STRC: variants seen among roughly 807,000 people sequenced by gnomAD.
STRC encodes stereocilin.
STRC carries 43 observed loss-of-function variants against 103.5 expected under a neutral mutation model. The ratio of observed to expected loss-of-function variants is 0.42; its 90% CI spans 0.33 to 0.54. STRC has a LOEUF of 0.54. Ranked by LOEUF, STRC falls within the 20% of genes least tolerant of loss-of-function variation. The probability of loss-of-function intolerance (pLI) is 0.14; values close to 1 mark genes in which losing one functional copy is unlikely to be tolerated. For synonymous variants in STRC, 186 were observed against 442.3 expected (o/e 0.42, Z 7.27); for missense variants, 499 against 1,088.5 (o/e 0.46, Z 7.62).
Position 43,601,395 on chromosome 15 carries a change from C to A in STRC, c.4701+1G>T. 6.2e-7 allele frequency: 1 copy of A among 1,613,212 alleles called. No homozygotes were observed. Among genetic ancestry groups the A allele is most frequent in the Non-Finnish European group, 8.5e-7 (1 of 1,179,842 alleles). On this transcript the variant is annotated splice_donor_variant, in intron 24 of 28. Coordinates refer to ENST00000450892, the MANE Select transcript of STRC (RefSeq NM_153700.2). LOFTEE classifies it high-confidence loss of function. ...GCCGTAGGGAGGAGGAAAAGTGTTA[C>A]CTGAGTGGTGCTCCAGCCATCTATC...
intron 16 of STRC, among the ~76,000 whole-genome samples, chr15:43,608,979 T>G (rs1285327986): frequency 2.7e-5 from 4 of 149,414 alleles, no homozygotes. Flanking sequence ...AATTCTCATT[T>G]AAAGAAGGGA....
rs946311260 is a variant in STRC at position 43,603,620 on chromosome 15, A to C, written c.4376-209T>G. 4.5e-6 allele frequency: 3 copies of C among 665,754 alleles called. No homozygotes were observed. The African/African-American group carries it at 5.4e-5, about 12-fold the overall frequency. The allele number at this position is 665,754 out of a possible 1,614,324, so 41.2% of individuals were successfully genotyped here. A position where few individuals can be genotyped will look rare whatever the true frequency, so the allele number is the denominator to read the frequency against. On this transcript the variant is annotated intron_variant, in intron 22 of 28. Coordinates refer to ENST00000450892, the MANE Select transcript of STRC (RefSeq NM_153700.2). ...AGATGCCAAGACTTTTATAGATGGAAGACTGAGGATGTTATTCAGAGATTT... is the reference window on the plus strand; with the variant it reads ...AGATGCCAAGACTTTTATAGATGGACGACTGAGGATGTTATTCAGAGATTT...
In STRC at chr15:43,601,542, G is replaced by C. The variant is rs750246174; in HGVS notation, c.4555C>G (p.Pro1519Ala). The change falls in exon 24 of 29, where the codon CCC (proline) becomes GCC (alanine). Residue 1519 changes from proline (P) to alanine (A), a missense_variant. Coordinates refer to ENST00000450892, the MANE Select transcript of STRC (RefSeq NM_153700.2). ...AMGKAKQLWG[P>A]PRGFRPEQIL... ...TGCTCAGGACGAAATCCCCGGGGGG[G>C]ACCCCACAACTAGGAGAAAGACAGG... is the stretch of plus-strand genomic sequence containing the variant. 3.1e-6 allele frequency: 5 copies of C among 1,613,688 alleles called. No individual in the cohort carries two copies. The Admixed American group carries it at 5.0e-5, about 16-fold the overall frequency.
intron 24 of STRC, 97 bp downstream of exon 24, chr15:43,601,299 G>T: frequency 6.4e-7 from 1 of 1,559,822 alleles, no homozygotes; most frequent in Non-Finnish European, 8.8e-7. Flanking sequence ...ACCAGGTAGG[G>T]TCACAGGAAA....
In STRC at chr15:43,608,072, C is replaced by G. The variant is rs1352496276; in HGVS notation, c.3681+8G>C. 4 of 1,610,508 alleles carry G rather than the reference C, an allele frequency of 2.5e-6. No individual in the cohort carries two copies. The highest frequency in any genetic ancestry group is 3.4e-6 in the Non-Finnish European group (4 of 1,179,440). ...TGCTCCCACTAAAGTCCAGGCACCC[C>G]CTCTCACCAGGCTCCCTCGAACTCT... is the stretch of plus-strand genomic sequence containing the variant. On this transcript the variant is annotated splice_region_variant and intron_variant, in intron 17 of 28. Transcript: ENST00000450892.
At chr15:43,609,551 T>A (rs1017739114) in intron 15 of STRC, 1 of 578,264 alleles carries the variant, frequency 1.7e-6, no homozygotes, top group East Asian at 3.2e-5. Context: ...CAAGTCACAT[T>A]ATAAGAGATA....
At chr15:43,601,168 A>G (rs1426584339) in intron 24 of STRC, among the ~76,000 whole-genome samples, 154 bp from the exon 25 acceptor site, 2 of 151,572 alleles carry the variant, frequency 1.3e-5, no homozygotes, top group African/African-American at 2.4e-5. Flanking sequence ...AAGGAAAGAA[A>G]AAGAGGAAGC....
intron 19 of STRC, 68 bp downstream of exon 19, chr15:43,605,196 A>G (rs2085703066): frequency 1.3e-6 from 2 of 1,572,612 alleles, no homozygotes; most frequent in African/African-American, 2.7e-5. Context: ...GGACAGTCAG[A>G]GAGCATTGTC....
rs1302831121 is a variant in STRC, at chr15:43,606,548, C to T, written c.3795-1149G>A. On this transcript the variant is annotated intron_variant, in intron 18 of 28. Transcript: ENST00000450892. ...CCCAGAGGGAGAGGTTGCAGTGAGCCGAGATGGCACCATTGCACTCCAGCC... is the reference window on the plus strand; with the variant it reads ...CCCAGAGGGAGAGGTTGCAGTGAGCTGAGATGGCACCATTGCACTCCAGCC... Among the ~76,000 whole-genome samples the T allele has an allele frequency of 3.3e-5, 5 of 150,422 alleles. 1 individual carries two copies. Among genetic ancestry groups the T allele is most frequent in the Non-Finnish European group, 5.9e-5 (4 of 67,738 alleles).
chr15:43,601,324 T>G, intron 24 of STRC, 72 bp downstream of exon 24: 1 of 1,604,990 alleles, frequency 6.2e-7, no homozygotes. Flanking sequence ...TTCCTTGGGC[T>G]TTAGATGATC....
Position 43,604,699 on chromosome 15 carries a change from T to C in STRC, c.4078A>G (p.Thr1360Ala), listed in dbSNP as rs141036103. The C allele has an allele frequency of 2.9e-5, 47 of 1,613,520 alleles. No individual in the cohort carries two copies. The highest frequency in any genetic ancestry group is 3.9e-5 in the Non-Finnish European group (46 of 1,179,662). ...SQLQGFCLGETFATELGWLLL... is the reference protein window; with the variant it reads ...SQLQGFCLGEAFATELGWLLL... ...AGCCATCCCAGCTCTGTGGCAAATG[T>C]CTCTCCTAGGCAGAAGCCTTGCAGC... The change falls in exon 20 of 29, where the codon ACA (threonine) becomes GCA (alanine). Residue 1360 changes from threonine to alanine, a missense_variant. By Grantham distance (58) the Thr-to-Ala change is moderately conservative. Coordinates refer to ENST00000450892, the MANE Select transcript of STRC (RefSeq NM_153700.2).
intron 23 of STRC, 49 bp downstream of exon 23, chr15:43,603,193 C>T (rs1434482846): frequency 6.3e-7 from 1 of 1,598,612 alleles, no homozygotes; most frequent in African/African-American, 1.3e-5. Context: ...CTACATCACA[C>T]CCAAATAGCT....
Position 43,616,623 on chromosome 15 carries a change from GT to G in STRC, c.942del (p.Pro316LeufsTer7). 2.0e-6 allele frequency: 1 copy of G among 495,762 alleles called. No individual in the cohort carries two copies. The allele number at this position is 495,762 out of a possible 1,614,324, so 30.7% of individuals were successfully genotyped here. A position where few individuals can be genotyped will look rare whatever the true frequency, so the allele number is the denominator to read the frequency against. ...CTCAGGCAGTGAAGGAGGGCAGGGG[GT>G]GGGGGTGGTGATCCAGACAGAAAGC... ...ALGFLSGSPP[P>X]PPALLHCLST... On this transcript the variant is annotated frameshift_variant, in exon 4 of 29. Coordinates refer to ENST00000450892, the MANE Select transcript of STRC (RefSeq NM_153700.2). LOFTEE classifies it high-confidence loss of function.
intron 25 of STRC, 36 bp downstream of exon 25, chr15:43,600,836 C>A: frequency 6.2e-7 from 1 of 1,613,674 alleles, no homozygotes; most frequent in Non-Finnish European, 8.5e-7. Context: ...CCACCTTTAC[C>A]TCAGCACCAC....
At chr15:43,602,789 T>C in intron 23 of STRC, 1 of 214,634 alleles carries the variant, frequency 4.7e-6, no homozygotes, top group South Asian at 7.0e-5. Context: ...GGACAACAAG[T>C]GTGCACCACC....
rs200086657 is a variant in STRC, at chr15:43,603,352, G to C, written c.4435C>G (p.Gln1479Glu). ...TCTGAGAGCTCCATCTCTGCAATCTGGGTTGCAGACCAGGCTGCTGGGAAT... is the reference window on the plus strand; with the variant it reads ...TCTGAGAGCTCCATCTCTGCAATCTCGGTTGCAGACCAGGCTGCTGGGAAT... The part of the protein sequence containing the change: ...GTFPAAWSAT[Q>E]IAEMELSDFE... The change falls in exon 23 of 29, where the codon CAG becomes GAG. Residue 1479 changes from glutamine (Q) to glutamate (E), a missense_variant. By Grantham distance (29) the Gln-to-Glu change is conservative. Coordinates refer to ENST00000450892, the MANE Select transcript of STRC (RefSeq NM_153700.2). 1 of 1,613,662 alleles carries C rather than the reference G, an allele frequency of 6.2e-7. No individual in the cohort carries two copies. The highest frequency in any genetic ancestry group is 1.7e-4 in the Middle Eastern group (1 of 6,056).
chr15:43,603,583 A>G, intron 22 of STRC, 172 bp from the exon 23 acceptor site: 1 of 770,914 alleles, frequency 1.3e-6, no homozygotes, highest in Non-Finnish European at 2.2e-6. Context: ...TAATAGAACA[A>G]GAAGTGATTG....
chr15:43,605,310 G>A lies in STRC; in HGVS notation c.3884C>T (p.Thr1295Ile), dbSNP rs1260557744. Residue 1295 changes from threonine (T) to isoleucine (I), a missense_variant, in exon 19 of 29, where the codon ACC becomes ATC. Thr to Ile is a moderately conservative substitution (Grantham distance 89). Coordinates refer to ENST00000450892, the MANE Select transcript of STRC (RefSeq NM_153700.2). ...QRAPEQLLAL[T>I]PLHQAALAER... The stretch of plus-strand genomic sequence containing the variant: ...TGCCAGGGCTGCCTGGTGGAGGGGG[G>A]TCAGTGCCAGCAGCTGCTCTGGAGC... The A allele has an allele frequency of 1.9e-6, 3 of 1,591,284 alleles. No homozygotes were observed. The highest frequency in any genetic ancestry group is 1.1e-5 in the South Asian group (1 of 88,068).
intron 15 of STRC, 21 bp from the exon 16 acceptor site, chr15:43,609,355 A>G (rs2085732937): frequency 2.5e-6 from 4 of 1,602,288 alleles, no homozygotes; most frequent in Non-Finnish European, 3.4e-6. Flanking sequence ...AAGAAAGACG[A>G]GCCCCTTCCC....
Sources: allele counts gnomAD v4.1 joint callset (sites outside exome capture counted in the v4.1 genomes callset), GRCh38; gene constraint gnomAD v4.1.1; transcripts MANE v1.5; gene names NCBI Gene and HGNC (gene_info 2026-07-23, HGNC 2026-07-21).